BHLHE22: variants seen among roughly 807,000 people sequenced by gnomAD.
BHLHE22 encodes the protein class E basic helix-loop-helix protein 22.
A neutral mutation model predicts 17.6 loss-of-function variants in BHLHE22; 8 were observed. That is an observed-to-expected ratio of 0.45 (90% CI 0.27 to 0.82). The LOEUF is 0.82. BHLHE22 is among the 40% of genes least tolerant of loss of function. The pLI, the probability that BHLHE22 is intolerant of heterozygous loss-of-function variation, is 0.16. For synonymous variants in BHLHE22, 353 were observed against 282.7 expected (o/e 1.25, Z -2.49); for missense variants, 570 against 581.5 (o/e 0.98, Z 0.20).
Position 64,580,858 on chromosome 8 carries a change from T to G in BHLHE22, c.68T>G (p.Leu23Arg). 1 of 1,509,530 alleles carries G rather than the reference T, an allele frequency of 6.6e-7. No homozygotes were observed. Among genetic ancestry groups the G allele is most frequent in the Non-Finnish European group, 8.8e-7 (1 of 1,138,424 alleles). The allele number at this position is 1,509,530 out of a possible 1,614,324, so 93.5% of individuals were successfully genotyped here. ...GEDDLFLHKS[L>R]SASTSKRLEA... Reference sequence around the variant, plus strand: ...GACGACCTCTTCCTGCACAAGAGCCTGAGCGCCTCCACCTCCAAGCGCTTG... The same window carrying G: ...GACGACCTCTTCCTGCACAAGAGCCGGAGCGCCTCCACCTCCAAGCGCTTG... The change falls in exon 1 of 1, where the codon CTG becomes CGG. Residue 23 changes from leucine (L) to arginine (R), a missense_variant. Around this residue, in one of 3 missense-constraint regions of BHLHE22, gnomAD observed 427 missense variants for 376.2 expected, o/e 1.14. Coordinates refer to ENST00000321870, the MANE Select transcript of BHLHE22 (RefSeq NM_152414.5).
At position 64,581,947 on chromosome 8, in the gene BHLHE22, G is replaced by A. The variant is rs376610468; in HGVS notation, c.*11G>A. 784 of 1,610,388 alleles carry A rather than the reference G, an allele frequency of 4.9e-4. No homozygotes were observed. The highest frequency in any genetic ancestry group is 6.4e-4 in the Non-Finnish European group (753 of 1,179,178). On this transcript the variant is annotated 3_prime_UTR_variant, in exon 1 of 1. Coordinates refer to ENST00000321870, the MANE Select transcript of BHLHE22 (RefSeq NM_152414.5). This position sits in a 1 kb window ranked among gnomAD's most constrained non-coding sequence, Gnocchi z 6.4. ...ACGGAGAAGCCTTAAACACACCCCC[G>A]AAAAACACAAGACCGACCCAAAATC... is the stretch of plus-strand genomic sequence containing the variant.
Position 64,581,411 on chromosome 8 carries a change from T to A in BHLHE22, c.621T>A (p.Gly207=). 1 of 1,528,742 alleles carries A rather than the reference T, an allele frequency of 6.5e-7. No individual in the cohort carries two copies. The highest frequency in any genetic ancestry group is 1.2e-5 in the South Asian group (1 of 83,560). 94.7% of individuals were successfully genotyped at this position (1,528,742 alleles called of 1,614,324 possible). The change falls in exon 1 of 1, where the codon GGT becomes GGA. Residue 207 remains glycine (G), a synonymous_variant. Transcript: ENST00000321870. The surrounding 1 kb of genome is among the most constrained non-coding windows in gnomAD (Gnocchi z 6.4). ...PGGLGGGGGG[G]SSSGSSGGGG... Reference sequence around the variant, plus strand: ...GCCTGGGCGGCGGCGGCGGCGGGGGTAGCAGCAGCGGTAGCAGTGGCGGCG... The same window carrying A: ...GCCTGGGCGGCGGCGGCGGCGGGGGAAGCAGCAGCGGTAGCAGTGGCGGCG...
In BHLHE22 at chr8:64,580,511, C is replaced by G. The variant is rs1804871091; in HGVS notation, c.-280C>G. 2 of 153,050 alleles carry G rather than the reference C, an allele frequency of 1.3e-5. No homozygotes were observed. The highest frequency in any genetic ancestry group is 2.9e-5 in the Non-Finnish European group (2 of 69,372). 9.5% of individuals were successfully genotyped at this position (153,050 alleles called of 1,614,324 possible). ...GGCGGCGGCTCCACTCCCTCCGCGC[C>G]CACCCTCCCACCATGCGGGGCCGCG... On this transcript the variant is annotated 5_prime_UTR_variant, in exon 1 of 1. Transcript: ENST00000321870.
In BHLHE22 at chr8:64,581,024, G is replaced by A; in HGVS notation, c.234G>A (p.Pro78=). The change falls in exon 1 of 1, where the codon CCG becomes CCA. Residue 78 remains proline, a synonymous_variant. Coordinates refer to ENST00000321870, the MANE Select transcript of BHLHE22 (RefSeq NM_152414.5). This position sits in a 1 kb window ranked among gnomAD's most constrained non-coding sequence, Gnocchi z 6.4. Reference sequence around the variant, plus strand: ...CCGAGGGGGCAGGGCTGCTGTTGCCGCCGCCTGGAGGAGGCGGCGGCGGCA... The same window carrying A: ...CCGAGGGGGCAGGGCTGCTGTTGCCACCGCCTGGAGGAGGCGGCGGCGGCA... ...ADPEGAGLLL[P]PPGGGGGGSA... The A allele has an allele frequency of 7.6e-7, 1 of 1,320,960 alleles. No homozygotes were observed. The highest frequency in any genetic ancestry group is 9.6e-7 in the Non-Finnish European group (1 of 1,043,570). 81.8% of individuals were successfully genotyped at this position (1,320,960 alleles called of 1,614,324 possible).
At position 64,580,381 on chromosome 8, in the gene BHLHE22, T is replaced by A. The variant is rs1585785486; in HGVS notation, c.-410T>A. ...GATAATGATGTAAAAGACTCCCCCG[T>A]CTGTGGCGGCGGCTGTTTGATGGGT... On this transcript the variant is annotated 5_prime_UTR_variant, in exon 1 of 1. Coordinates refer to ENST00000321870, the MANE Select transcript of BHLHE22 (RefSeq NM_152414.5). 1 of 152,862 alleles carries A rather than the reference T, an allele frequency of 6.5e-6. No individual in the cohort carries two copies. The highest frequency in any genetic ancestry group is 1.9e-4 in the East Asian group (1 of 5,186). 9.5% of individuals were successfully genotyped at this position (152,862 alleles called of 1,614,324 possible).
Position 64,580,390 on chromosome 8 carries a change from G to C in BHLHE22, c.-401G>C, listed in dbSNP as rs552579701. 10 of 153,034 alleles carry C rather than the reference G, an allele frequency of 6.5e-5. No homozygotes were observed. In the East Asian group the frequency reaches 1.7e-3, roughly 27 times the overall value. The allele number at this position is 153,034 out of a possible 1,614,324, so 9.5% of individuals were successfully genotyped here. A position where few individuals can be genotyped will look rare whatever the true frequency, so the allele number is the denominator to read the frequency against. ...GTAAAAGACTCCCCCGTCTGTGGCG[G>C]CGGCTGTTTGATGGGTCCGGAAATC... On this transcript the variant is annotated 5_prime_UTR_variant, in exon 1 of 1. Coordinates refer to ENST00000321870, the MANE Select transcript of BHLHE22 (RefSeq NM_152414.5).
chr8:64,582,246 C>T lies in BHLHE22; in HGVS notation c.*310C>T, dbSNP rs927045673. On this transcript the variant is annotated 3_prime_UTR_variant, in exon 1 of 1. Transcript: ENST00000321870. ...TAGACCGCGAGGAAGTGGAATCTTCCTTAAAGGTGAAACATAAGTTGAGAA... is the reference window on the plus strand; with the variant it reads ...TAGACCGCGAGGAAGTGGAATCTTCTTTAAAGGTGAAACATAAGTTGAGAA... 9.2e-6 allele frequency: 4 copies of T among 433,928 alleles called. No individual in the cohort carries two copies. In the Admixed American group the frequency reaches 1.3e-4, roughly 14 times the overall value. 26.9% of individuals were successfully genotyped at this position (433,928 alleles called of 1,614,324 possible). A position where few individuals can be genotyped will look rare whatever the true frequency, so the allele number is the denominator to read the frequency against.
Position 64,581,825 on chromosome 8 carries a change from C to G in BHLHE22, c.1035C>G (p.Ala345=). Residue 345 remains alanine (A), a synonymous_variant, in exon 1 of 1, where the codon GCC becomes GCG. Transcript: ENST00000321870. The surrounding 1 kb of genome is among the most constrained non-coding windows in gnomAD (Gnocchi z 6.4). ...HPALGAYEQA[A]GYPFSAGLPP... is the part of the protein sequence containing the mutation. ...CGCTCGGCGCCTACGAGCAGGCAGC[C>G]GGCTACCCGTTCAGCGCCGGACTGC... 6.2e-7 allele frequency: 1 copy of G among 1,602,080 alleles called. No individual in the cohort carries two copies. The highest frequency in any genetic ancestry group is 8.5e-7 in the Non-Finnish European group (1 of 1,177,248).
rs1376673011 is a variant in BHLHE22 at position 64,582,961 on chromosome 8, G to A, written c.*1025G>A. On this transcript the variant is annotated 3_prime_UTR_variant, in exon 1 of 1. Coordinates refer to ENST00000321870, the MANE Select transcript of BHLHE22 (RefSeq NM_152414.5). ...GTTGCATCATCCCTGTATTTAAATT[G>A]AGCTTTAATAAATTGCTTCAGTCCA... 1.2e-5 allele frequency: 2 copies of A among 166,762 alleles called. No homozygotes were observed. The highest frequency in any genetic ancestry group is 2.4e-5 in the African/African-American group (1 of 41,422). 10.3% of individuals were successfully genotyped at this position (166,762 alleles called of 1,614,324 possible). A position where few individuals can be genotyped will look rare whatever the true frequency, so the allele number is the denominator to read the frequency against.
In BHLHE22 at chr8:64,581,131, C is replaced by A. The variant is rs35814011; in HGVS notation, c.341C>A (p.Pro114His). 3 of 1,399,760 alleles carry A rather than the reference C, an allele frequency of 2.1e-6. No individual in the cohort carries two copies. The highest frequency in any genetic ancestry group is 2.8e-6 in the Non-Finnish European group (3 of 1,087,532). The allele number at this position is 1,399,760 out of a possible 1,614,324, so 86.7% of individuals were successfully genotyped here. ...LVGSAGVGGD[P>H]SLSSLPAGAA... ...GGTTCAGCCGGCGTTGGGGGCGACC[C>A]TAGCCTAAGCAGCCTGCCGGCCGGG... Residue 114 changes from proline to histidine, a missense_variant, in exon 1 of 1, where the codon CCT (proline) becomes CAT (histidine). Physicochemically the swap from Pro to His is moderately conservative, Grantham distance 77. Coordinates refer to ENST00000321870, the MANE Select transcript of BHLHE22 (RefSeq NM_152414.5). This position sits in a 1 kb window ranked among gnomAD's most constrained non-coding sequence, Gnocchi z 6.4.
At position 64,581,429 on chromosome 8, in the gene BHLHE22, T is replaced by TGGCGGC. The variant is rs749553788; in HGVS notation, c.642_647dup (p.Gly217_Gly218dup). ...GCGGGGGTAGCAGCAGCGGTAGCAG[T>TGGCGGC]GGCGGCGGTGGCGGTAGCGGTAGCG... On this transcript the variant is annotated inframe_insertion, in exon 1 of 1. Transcript: ENST00000321870. This position sits in a 1 kb window ranked among gnomAD's most constrained non-coding sequence, Gnocchi z 6.4. 32 of 1,534,198 alleles carry TGGCGGC rather than the reference T, an allele frequency of 2.1e-5. No individual in the cohort carries two copies. Among genetic ancestry groups the TGGCGGC allele is most frequent in the Non-Finnish European group, 2.0e-5 (23 of 1,144,984 alleles).
At position 64,580,916 on chromosome 8, in the gene BHLHE22, G is replaced by T. The variant is rs756964626; in HGVS notation, c.126G>T (p.Met42Ile). 1.3e-6 allele frequency: 2 copies of T among 1,513,964 alleles called. No homozygotes were observed. Among genetic ancestry groups the T allele is most frequent in the Admixed American group, 2.1e-5 (1 of 47,178 alleles). 93.8% of individuals were successfully genotyped at this position (1,513,964 alleles called of 1,614,324 possible). A position where few individuals can be genotyped will look rare whatever the true frequency, so the allele number is the denominator to read the frequency against. ...CTTTCCGCTCCACGCCCCCGGGCAT[G>T]GACCTGTCCCTGGCGCCGCCGCCTC... The part of the protein sequence containing the change: ...EAAFRSTPPG[M>I]DLSLAPPPRE... Residue 42 changes from methionine (M) to isoleucine (I), a missense_variant, in exon 1 of 1, where the codon ATG becomes ATT. By Grantham distance (10) the Met-to-Ile change is conservative. Around this residue, in one of 3 missense-constraint regions of BHLHE22, gnomAD observed 427 missense variants for 376.2 expected, o/e 1.14. Transcript: ENST00000321870.
In BHLHE22 at chr8:64,580,904, G is replaced by A. The variant is rs763590067; in HGVS notation, c.114G>A (p.Thr38=). The change falls in exon 1 of 1, where the codon ACG becomes ACA. Residue 38 remains threonine, a synonymous_variant. Transcript: ENST00000321870. ...SKRLEAAFRS[T]PPGMDLSLAP... is the part of the protein sequence containing the mutation. Reference sequence around the variant, plus strand: ...GCTTGGAAGCGGCTTTCCGCTCCACGCCCCCGGGCATGGACCTGTCCCTGG... The same window carrying A: ...GCTTGGAAGCGGCTTTCCGCTCCACACCCCCGGGCATGGACCTGTCCCTGG... The A allele has an allele frequency of 8.5e-6, 13 of 1,521,398 alleles. No individual in the cohort carries two copies. The highest frequency in any genetic ancestry group is 1.8e-4 in the Middle Eastern group (1 of 5,520). The allele number at this position is 1,521,398 out of a possible 1,614,324, so 94.2% of individuals were successfully genotyped here.
In BHLHE22 at chr8:64,580,897, G is replaced by A. The variant is rs1188688779; in HGVS notation, c.107G>A (p.Arg36His). 1 of 1,520,568 alleles carries A rather than the reference G, an allele frequency of 6.6e-7. No individual in the cohort carries two copies. Among genetic ancestry groups the A allele is most frequent in the Non-Finnish European group, 8.7e-7 (1 of 1,144,954 alleles). The allele number at this position is 1,520,568 out of a possible 1,614,324, so 94.2% of individuals were successfully genotyped here. ...STSKRLEAAF[R>H]STPPGMDLSL... ...TCCAAGCGCTTGGAAGCGGCTTTCC[G>A]CTCCACGCCCCCGGGCATGGACCTG... The change falls in exon 1 of 1, where the codon CGC becomes CAC. Residue 36 changes from arginine (R) to histidine (H), a missense_variant. By Grantham distance (29) the Arg-to-His change is conservative. This residue lies in a region of BHLHE22 where 427 missense variants were observed against 376.2 expected (regional missense o/e 1.14). Coordinates refer to ENST00000321870, the MANE Select transcript of BHLHE22 (RefSeq NM_152414.5).
At position 64,582,337 on chromosome 8, in the gene BHLHE22, T is replaced by G. The variant is rs555652791; in HGVS notation, c.*401T>G. On this transcript the variant is annotated 3_prime_UTR_variant, in exon 1 of 1. Coordinates refer to ENST00000321870, the MANE Select transcript of BHLHE22 (RefSeq NM_152414.5). ...AAAATACTAATCCTACTAATAATTG[T>G]GGATTTGGCTAGTGCTGAGGGGGAG... 3.9e-6 allele frequency: 1 copy of G among 254,652 alleles called. No homozygotes were observed. The highest frequency in any genetic ancestry group is 1.7e-4 in the East Asian group (1 of 5,944). 15.8% of individuals were successfully genotyped at this position (254,652 alleles called of 1,614,324 possible).
chr8:64,582,053 G>A lies in BHLHE22; in HGVS notation c.*117G>A. 1 of 1,153,934 alleles carries A rather than the reference G, an allele frequency of 8.7e-7. No homozygotes were observed. The allele number at this position is 1,153,934 out of a possible 1,614,324, so 71.5% of individuals were successfully genotyped here. On this transcript the variant is annotated 3_prime_UTR_variant, in exon 1 of 1. Coordinates refer to ENST00000321870, the MANE Select transcript of BHLHE22 (RefSeq NM_152414.5). The stretch of plus-strand genomic sequence containing the variant: ...GTGAAACACTTGCAGAGCAAACAAA[G>A]CAGAGGCAAGAACTGAGGAGAAGTA...
At position 64,581,644 on chromosome 8, in the gene BHLHE22, C is replaced by G. The variant is rs1319050880; in HGVS notation, c.854C>G (p.Thr285Arg). The change falls in exon 1 of 1, where the codon ACG (threonine) becomes AGG (arginine). Residue 285 changes from threonine (T) to arginine (R), a missense_variant. Around this residue, in one of 3 missense-constraint regions of BHLHE22, gnomAD observed 32 missense variants for 83.3 expected, o/e 0.38. Transcript: ENST00000321870. This position sits in a 1 kb window ranked among gnomAD's most constrained non-coding sequence, Gnocchi z 6.4. ...GTGCGAAAGCTCTCCAAGATCGCCA[C>G]GCTGCTGCTCGCCAAGAACTACATC... Reference protein sequence around the residue: ...PSVRKLSKIATLLLAKNYILM... With the variant: ...PSVRKLSKIARLLLAKNYILM... The G allele has an allele frequency of 6.2e-7, 1 of 1,613,144 alleles. No individual in the cohort carries two copies. Among genetic ancestry groups the G allele is most frequent in the African/African-American group, 1.3e-5 (1 of 74,924 alleles).
Position 64,581,940 on chromosome 8 carries a change from C to T in BHLHE22, c.*4C>T. Reference sequence around the variant, plus strand: ...ACAGTGCACGGAGAAGCCTTAAACACACCCCCGAAAAACACAAGACCGACC... The same window carrying T: ...ACAGTGCACGGAGAAGCCTTAAACATACCCCCGAAAAACACAAGACCGACC... On this transcript the variant is annotated 3_prime_UTR_variant, in exon 1 of 1. Coordinates refer to ENST00000321870, the MANE Select transcript of BHLHE22 (RefSeq NM_152414.5). This position sits in a 1 kb window ranked among gnomAD's most constrained non-coding sequence, Gnocchi z 6.4. The T allele has an allele frequency of 1.2e-6, 2 of 1,611,054 alleles. No individual in the cohort carries two copies. The highest frequency in any genetic ancestry group is 1.7e-6 in the Non-Finnish European group (2 of 1,179,474).
chr8:64,581,302 C>T lies in BHLHE22; in HGVS notation c.512C>T (p.Pro171Leu), dbSNP rs961375233. The change falls in exon 1 of 1, where the codon CCG (proline) becomes CTG (leucine). Residue 171 changes from proline (P) to leucine (L), a missense_variant. Physicochemically the swap from Pro to Leu is moderately conservative, Grantham distance 98. Transcript: ENST00000321870. The surrounding 1 kb of genome is among the most constrained non-coding windows in gnomAD (Gnocchi z 6.4). ...RAGVADPRASPGAGGGGAKAA... is the reference protein window; with the variant it reads ...RAGVADPRASLGAGGGGAKAA... The stretch of plus-strand genomic sequence containing the variant: ...GGAGTAGCCGACCCGCGGGCCTCCC[C>T]GGGAGCGGGAGGTGGTGGCGCGAAG... 1 of 1,429,974 alleles carries T rather than the reference C, an allele frequency of 7.0e-7. No individual in the cohort carries two copies. The highest frequency in any genetic ancestry group is 9.1e-7 in the Non-Finnish European group (1 of 1,104,670). The allele number at this position is 1,429,974 out of a possible 1,614,324, so 88.6% of individuals were successfully genotyped here. A position where few individuals can be genotyped will look rare whatever the true frequency, so the allele number is the denominator to read the frequency against.
Sources: allele counts gnomAD v4.1 joint callset, GRCh38; gene constraint gnomAD v4.1.1; regional missense constraint gnomAD v4.1.1; non-coding constraint Gnocchi (gnomAD v3.1); transcripts MANE v1.5; gene names NCBI Gene and HGNC (gene_info 2026-07-23, HGNC 2026-07-21).